PLCG2: variants seen among roughly 807,000 people sequenced by gnomAD.
PLCG2 encodes the protein 1-phosphatidylinositol 4,5-bisphosphate phosphodiesterase gamma-2.
In PLCG2, 69 loss-of-function variants were observed where a neutral mutation model predicts 175.6. The observed-to-expected ratio is 0.39, with a 90% CI of 0.32 to 0.48. PLCG2 has a LOEUF of 0.48. Ranked by LOEUF, PLCG2 falls within the 20% of genes least tolerant of loss-of-function variation. PLCG2 has a pLI of 0.91. For missense variants in PLCG2, 1,798 were observed against 1,650.9 expected, an observed-to-expected ratio of 1.09 and a Z score of -1.54; for synonymous variants, 827 against 624.0, an observed-to-expected ratio of 1.33 and a Z score of -4.85.
intron 2 of PLCG2, among the ~76,000 whole-genome samples, chr16:81,800,850 G>C (rs1048013299): frequency 6.6e-6 from 1 of 152,080 alleles, no homozygotes; most frequent in African/African-American, 2.4e-5. Context: ...TGGATTATCT[G>C]GGTGGATATG....
intron 26 of PLCG2, among the ~76,000 whole-genome samples, chr16:81,935,201 G>A (rs1174740901): frequency 1.3e-5 from 2 of 152,162 alleles, no homozygotes; most frequent in African/African-American, 4.8e-5. Flanking sequence ...GGAGGGGAAA[G>A]CCATTCCCTT....
chr16:81,871,479 C>T (rs1422915461), intron 7 of PLCG2, among the ~76,000 whole-genome samples: 1 of 152,130 alleles, frequency 6.6e-6, no homozygotes, highest in Non-Finnish European at 1.5e-5. Flanking sequence ...GCTGGGATTG[C>T]AGACGTGCGC....
intron 10 of PLCG2, among the ~76,000 whole-genome samples, chr16:81,891,015 T>A (rs1310884473): frequency 2.6e-5 from 4 of 151,898 alleles, no homozygotes; most frequent in Non-Finnish European, 4.4e-5. Context: ...ATACAAAAAT[T>A]AGCCTGGTGT....
chr16:81,852,775 G>C (rs971321127), intron 2 of PLCG2, among the ~76,000 whole-genome samples: 18 of 152,208 alleles, frequency 1.2e-4, no homozygotes, highest in African/African-American at 3.4e-4. Context: ...GACTGGGAGA[G>C]CTTGTCTGTG....
Position 81,948,748 on chromosome 16 carries a change from G to C in PLCG2, c.3570+2485G>C, listed in dbSNP as rs547321739. Among the ~76,000 whole-genome samples the C allele has an allele frequency of 2.4e-3, 373 of 152,318 alleles. 1 individual carries two copies. Among genetic ancestry groups the C allele is most frequent in the African/African-American group, 8.6e-3 (359 of 41,574 alleles). On this transcript the variant is annotated intron_variant, in intron 31 of 32. Coordinates refer to ENST00000564138, the MANE Select transcript of PLCG2 (RefSeq NM_002661.5). Reference sequence around the variant, plus strand: ...CTCATCAGCTAAAGTTGGTCAGTTTGCCTAATGCTGGCTCCAAAGAGCAAA... The same window carrying C: ...CTCATCAGCTAAAGTTGGTCAGTTTCCCTAATGCTGGCTCCAAAGAGCAAA...
chr16:81,773,345 T>C (rs1036202785), intron 2 of PLCG2, among the ~76,000 whole-genome samples: 1 of 152,192 alleles, frequency 6.6e-6, no homozygotes, highest in African/African-American at 2.4e-5. Context: ...ATTGATAGCC[T>C]TTTTGTGGAA....
intron 9 of PLCG2, among the ~76,000 whole-genome samples, chr16:81,887,180 C>T (rs1045060638): frequency 6.6e-5 from 10 of 151,044 alleles, no homozygotes; most frequent in Non-Finnish European, 8.8e-5. Context: ...AGTACAGTGG[C>T]GCGATCTCTG....
chr16:81,839,505 T>C (rs543670874), intron 2 of PLCG2, among the ~76,000 whole-genome samples: 3 of 152,330 alleles, frequency 2.0e-5, no homozygotes, highest in Non-Finnish European at 4.4e-5. Flanking sequence ...ATTGCCTTAA[T>C]AATTTTTGTT....
intron 21 of PLCG2, among the ~76,000 whole-genome samples, chr16:81,922,888 T>A (rs1910114961): frequency 6.6e-6 from 1 of 152,270 alleles, no homozygotes; most frequent in Non-Finnish European, 1.5e-5. Context: ...TATTTAGTTC[T>A]GTGAACAGAG....
At chr16:81,890,799 A>G (rs1908596309) in intron 10 of PLCG2, among the ~76,000 whole-genome samples, 2 of 152,140 alleles carry the variant, frequency 1.3e-5, no homozygotes, top group Admixed American at 6.5e-5. Context: ...ACATTCTGAT[A>G]TGGATAACAC....
At chr16:81,867,042 G>A (rs562491817) in intron 5 of PLCG2, among the ~76,000 whole-genome samples, 40 of 152,360 alleles carry the variant, frequency 2.6e-4, no homozygotes, top group African/African-American at 9.6e-4. Flanking sequence ...TGTCCCTGTG[G>A]TACCAGTAAG....
chr16:81,831,045 T>C (rs1905239708), intron 2 of PLCG2, among the ~76,000 whole-genome samples: 1 of 152,196 alleles, frequency 6.6e-6, no homozygotes, highest in Non-Finnish European at 1.5e-5. Context: ...GCCTGAAATA[T>C]TCTATCTCAG....
intron 19 of PLCG2, among the ~76,000 whole-genome samples, chr16:81,915,740 G>T (rs1001867425): frequency 2.4e-4 from 36 of 152,186 alleles, no homozygotes; most frequent in Admixed American, 8.5e-4. Context: ...GTCCCCTGTG[G>T]AAGGAGCCGG....
chr16:81,777,226 C>T (rs1382357363), upstream of PLCG2, among the ~76,000 whole-genome samples: 1 of 151,980 alleles, frequency 6.6e-6, no homozygotes, highest in Non-Finnish European at 1.5e-5. Flanking sequence ...TTTTAGGAGC[C>T]ACGGCTCCCT....
chr16:81,849,898 T>G (rs561238808), intron 2 of PLCG2, among the ~76,000 whole-genome samples: 1 of 152,238 alleles, frequency 6.6e-6, no homozygotes, highest in African/African-American at 2.4e-5. Flanking sequence ...AGACTTTCAC[T>G]GGCAGTCAAC....
At chr16:81,851,578 T>C (rs1906413387) in intron 2 of PLCG2, among the ~76,000 whole-genome samples, 2 of 152,174 alleles carry the variant, frequency 1.3e-5, no homozygotes, top group Non-Finnish European at 2.9e-5. Context: ...AGTGGCGTGG[T>C]CTCGGCTCCC....
chr16:81,757,966 G>C (rs1909963620), intron 2 of PLCG2, among the ~76,000 whole-genome samples: 1 of 151,964 alleles, frequency 6.6e-6, no homozygotes, highest in Non-Finnish European at 1.5e-5. Context: ...TGTCGTTATT[G>C]TTGCTGTTTT....
chr16:81,871,555 C>G (rs1292688476), intron 7 of PLCG2, among the ~76,000 whole-genome samples: 2 of 152,140 alleles, frequency 1.3e-5, no homozygotes, highest in Non-Finnish European at 2.9e-5. Context: ...GTGGGCAGGT[C>G]TCGAACTTCT....
At chr16:81,872,332 C>G (rs1459426673) in intron 7 of PLCG2, among the ~76,000 whole-genome samples, 1 of 152,148 alleles carries the variant, frequency 6.6e-6, no homozygotes. Context: ...CATCTCAAAA[C>G]AAACACAAAA....
Sources: allele counts gnomAD v4.1 joint callset (sites outside exome capture counted in the v4.1 genomes callset), GRCh38; gene constraint gnomAD v4.1.1; transcripts MANE v1.5; gene names NCBI Gene and HGNC (gene_info 2026-07-23, HGNC 2026-07-21).